Variants in FUT8 observed in about 807,000 individuals in gnomAD.
FUT8 encodes the protein alpha-(1,6)-fucosyltransferase.
FUT8 carries 29 observed loss-of-function variants against 71.3 expected under a neutral mutation model. The observed-to-expected ratio is 0.41, with a 90% confidence interval of 0.30 to 0.55. The LOEUF (loss-of-function observed/expected upper bound fraction) is 0.55, where lower values mean the gene tolerates loss of function less well. Among genes scored for constraint, FUT8 ranks in the 20% least tolerant of loss-of-function variants. FUT8 has a pLI of 0.34. For missense variants in FUT8, 544 were observed against 702.1 expected (o/e 0.77, Z 2.55); for synonymous variants, 254 against 239.3 (o/e 1.06, Z -0.57).
chr14:65,708,956 TTAATAA>T (rs777582174), intron 7 of FUT8, among the ~76,000 whole-genome samples: 1 of 152,132 alleles, frequency 6.6e-6, no homozygotes, highest in Non-Finnish European at 1.5e-5. Context: ...GTGACCACAG[TTAATAA>T]TAATGTATAT....
intron 2 of FUT8, among the ~76,000 whole-genome samples, chr14:65,536,996 T>C (rs1337765821): frequency 1.4e-5 from 2 of 143,190 alleles, no homozygotes; most frequent in African/African-American, 5.2e-5. Flanking sequence ...GCTGACTGTC[T>C]TATTTCAGAA....
intron 2 of FUT8, chr14:65,529,582 A>G (rs909821738): frequency 4.6e-5 from 7 of 152,732 alleles, no homozygotes; most frequent in African/African-American, 1.2e-4. Context: ...CATGGCAGCA[A>G]TGGCAGCCTT....
intron 6 of FUT8, among the ~76,000 whole-genome samples, chr14:65,659,513 C>T (rs1002710977): frequency 6.6e-6 from 1 of 152,138 alleles, no homozygotes; most frequent in Non-Finnish European, 1.5e-5. Context: ...AGCTTTTGCA[C>T]AGGAACAGTT....
At position 65,512,224 on chromosome 14, in the gene FUT8, C is replaced by T. The variant is rs528303517; in HGVS notation, c.-227-49113C>T. 1.1e-3 allele frequency among the ~76,000 whole-genome samples: 163 copies of T among 152,230 alleles called. 1 individual carries two copies. Among genetic ancestry groups the T allele is most frequent in the African/African-American group, 3.7e-3 (152 of 41,526 alleles). On this transcript the variant is annotated intron_variant, in intron 2 of 10. Transcript: ENST00000673929. ...GGTTGCCCAGGGTGGAGTGCGGTGGCGCGATCTCGGCTTACTGCAACCTGC... is the reference window on the plus strand; with the variant it reads ...GGTTGCCCAGGGTGGAGTGCGGTGGTGCGATCTCGGCTTACTGCAACCTGC...
rs143106818 is a variant in FUT8 at position 65,723,475 on chromosome 14, A to T, written c.1083-672A>T. On this transcript the variant is annotated intron_variant, in intron 8 of 10. Transcript: ENST00000673929. The stretch of plus-strand genomic sequence containing the variant: ...TTTCTTAAATATGACAGGTGAAATT[A>T]ATATCTGCTGTCATTTGATATGGTG... Among the ~76,000 whole-genome samples, 12 of 152,346 alleles carry T rather than the reference A, an allele frequency of 7.9e-5. 1 individual carries two copies. Among genetic ancestry groups the T allele is most frequent in the African/African-American group, 2.9e-4 (12 of 41,586 alleles).
At chr14:65,730,828 G>A (rs1056480922) in intron 9 of FUT8, among the ~76,000 whole-genome samples, 2 of 152,148 alleles carry the variant, frequency 1.3e-5, no homozygotes, top group African/African-American at 2.4e-5. Flanking sequence ...TATTAAAGTT[G>A]GCTATCCAAC....
Position 65,627,469 on chromosome 14 carries a change from G to A in FUT8, c.483-2023G>A, listed in dbSNP as rs1889958491. Among the ~76,000 whole-genome samples the A allele has an allele frequency of 6.6e-6, 1 of 152,190 alleles. No individual in the cohort carries two copies. The highest frequency in any genetic ancestry group is 6.5e-5 in the Admixed American group (1 of 15,286). ...AGAGGCCAAGCGGGCGACTTGAGAG[G>A]GTCAAGTGTGCTGTCTGACCATTGA... On this transcript the variant is annotated intron_variant, in intron 5 of 10. Transcript: ENST00000673929. This position sits in a 1 kb window ranked among gnomAD's most constrained non-coding sequence, Gnocchi z 4.0.
the FUT8 span, among the ~76,000 whole-genome samples, chr14:65,389,844 A>G: frequency 3.3e-5 from 5 of 151,456 alleles, no homozygotes; most frequent in African/African-American, 9.7e-5. Flanking sequence ...AACATGCATA[A>G]TAGTATATAC....
chr14:65,511,088 G>A (rs1173295064), intron 2 of FUT8, among the ~76,000 whole-genome samples: 1 of 151,772 alleles, frequency 6.6e-6, no homozygotes, highest in East Asian at 1.9e-4. Flanking sequence ...TATTCCATAG[G>A]TTTTGGTATA....
chr14:65,417,819 C>A (rs7145759), intron 1 of FUT8, among the ~76,000 whole-genome samples: 105,069 of 152,044 alleles, frequency 0.69, 36,620 homozygotes, highest in East Asian at 0.9. Flanking sequence ...TAACTTCTTC[C>A]TCGAAGCACT....
chr14:65,399,821 G>T, the FUT8 span, among the ~76,000 whole-genome samples: 1 of 152,140 alleles, frequency 6.6e-6, no homozygotes, highest in Non-Finnish European at 1.5e-5. Flanking sequence ...TATTTTAAAA[G>T]CTATTAAAAC....
chr14:65,501,740 A>G (rs1281292737), intron 2 of FUT8, among the ~76,000 whole-genome samples: 4 of 152,214 alleles, frequency 2.6e-5, no homozygotes, highest in Non-Finnish European at 4.4e-5. Flanking sequence ...AAAGGAGGCC[A>G]TAGGCCTTTG....
intron 5 of FUT8, 111 bp from the exon 6 acceptor site, chr14:65,629,381 T>C: frequency 1.5e-6 from 1 of 652,362 alleles, no homozygotes; most frequent in South Asian, 2.1e-5. Context: ...AGTACCAGTG[T>C]CAATGCGAGC....
the FUT8 span, among the ~76,000 whole-genome samples, chr14:65,361,157 A>T: frequency 6.6e-6 from 1 of 152,002 alleles, no homozygotes. Context: ...GGAGTTCGAG[A>T]CCAGTCTGAC....
chr14:65,711,196 A>G (rs1156408272), intron 7 of FUT8, among the ~76,000 whole-genome samples: 1 of 149,130 alleles, frequency 6.7e-6, no homozygotes, highest in African/African-American at 2.6e-5. Flanking sequence ...GTGAATGAAT[A>G]AATGAATGAA....
intron 2 of FUT8, among the ~76,000 whole-genome samples, chr14:65,475,987 C>G (rs1219281233): frequency 6.6e-6 from 1 of 152,034 alleles, no homozygotes; most frequent in African/African-American, 2.4e-5. Context: ...TAATGGGTGC[C>G]TTTTAGTTGT....
At chr14:65,460,637 C>T (rs1317301163) in intron 2 of FUT8, among the ~76,000 whole-genome samples, 3 of 152,144 alleles carry the variant, frequency 2.0e-5, no homozygotes, top group Non-Finnish European at 4.4e-5. Context: ...TTACCAGCTA[C>T]ACTACTAACA....
chr14:65,545,496 C>A (rs1445152258), intron 2 of FUT8, among the ~76,000 whole-genome samples: 1 of 151,778 alleles, frequency 6.6e-6, no homozygotes, highest in Non-Finnish European at 1.5e-5. Context: ...TGAAATATGT[C>A]ATGCTCAATC....
In FUT8 at chr14:65,427,153, C is replaced by T. The variant is rs370749204; in HGVS notation, c.-326+13939C>T. 1.6e-4 allele frequency among the ~76,000 whole-genome samples: 25 copies of T among 152,242 alleles called. No individual in the cohort carries two copies. The East Asian group carries it at 2.7e-3, about 16-fold the overall frequency. On this transcript the variant is annotated intron_variant, in intron 1 of 10. Transcript: ENST00000673929. ...CTGGGATTACAGGCGTGAACCACCG[C>T]GCCTGGCCTACATAACACATTTTCT...
Sources: allele counts gnomAD v4.1 joint callset (sites outside exome capture counted in the v4.1 genomes callset), GRCh38; gene constraint gnomAD v4.1.1; non-coding constraint Gnocchi (gnomAD v3.1); transcripts MANE v1.5; gene names NCBI Gene and HGNC (gene_info 2026-07-23, HGNC 2026-07-21).